Variants in NR2C2 observed in about 807,000 individuals in gnomAD.
The protein encoded by NR2C2 is nuclear receptor subfamily 2 group C member 2.
NR2C2 carries 6 observed loss-of-function variants against 62.9 expected under a neutral mutation model. The ratio of observed to expected loss-of-function variants is 0.10; its 90% CI spans 0.05 to 0.19. NR2C2 has a LOEUF of 0.19. NR2C2 is among the 10% of genes least tolerant of loss of function. NR2C2 has a pLI of 1.00. For missense variants in NR2C2, 479 were observed against 762.7 expected (o/e 0.63, Z 4.38); for synonymous variants, 272 against 273.8 (o/e 0.99, Z 0.07).
rs1265517507 is a variant in NR2C2 at position 15,045,222 on chromosome 3, A to G, written c.*2214A>G. On this transcript the variant is annotated 3_prime_UTR_variant, in exon 14 of 14. Transcript: ENST00000425241. ...GTCGTTTTGATCCTTGAGAGTGACC[A>G]TGAGGGCCATGTTGCAGTTCCCTGG... The G allele has an allele frequency of 1.3e-5, 2 of 152,140 alleles. No homozygotes were observed. The highest frequency in any genetic ancestry group is 2.1e-4 in the South Asian group (1 of 4,824). The allele number at this position is 152,140 out of a possible 1,614,324, so 9.4% of individuals were successfully genotyped here. A position where few individuals can be genotyped will look rare whatever the true frequency, so the allele number is the denominator to read the frequency against.
intron 1 of NR2C2, among the ~76,000 whole-genome samples, chr3:14,991,877 C>T (rs1306442558): frequency 6.6e-6 from 1 of 151,332 alleles, no homozygotes; most frequent in Non-Finnish European, 1.5e-5. Context: ...TCAAGTGCTC[C>T]TTCCGCCTCA....
rs1264475500 is a variant in NR2C2 at position 15,045,378 on chromosome 3, A to G, written c.*2370A>G. 1 of 152,670 alleles carries G rather than the reference A, an allele frequency of 6.6e-6. No homozygotes were observed. The highest frequency in any genetic ancestry group is 1.5e-5 in the Non-Finnish European group (1 of 68,070). The allele number at this position is 152,670 out of a possible 1,614,324, so 9.5% of individuals were successfully genotyped here. Reference sequence around the variant, plus strand: ...TGCTTAGACTCAGGCTGGATAAGGAAGTGTTGGGCTGTGGTGAAACAACCT... The same window carrying G: ...TGCTTAGACTCAGGCTGGATAAGGAGGTGTTGGGCTGTGGTGAAACAACCT... On this transcript the variant is annotated 3_prime_UTR_variant, in exon 14 of 14. Transcript: ENST00000425241.
In NR2C2 at chr3:14,976,187, T is replaced by C. The variant is rs77855894; in HGVS notation, c.-39-27689T>C. On this transcript the variant is annotated intron_variant, in intron 1 of 13. Coordinates refer to ENST00000425241, the MANE Select transcript of NR2C2 (RefSeq NM_001291694.2). ...GTGTGTAATTGTTCATAGTACTAGT[T>C]TATAATCTTTTCTTATTTCTGTTAA... is the stretch of plus-strand genomic sequence containing the variant. Among the ~76,000 whole-genome samples, 71 of 152,326 alleles carry C rather than the reference T, an allele frequency of 4.7e-4. 1 individual carries two copies. The East Asian group carries it at 0.013, about 27-fold the overall frequency.
chr3:14,961,381 T>G (rs2039682883), intron 1 of NR2C2, among the ~76,000 whole-genome samples: 1 of 152,220 alleles, frequency 6.6e-6, no homozygotes, highest in Non-Finnish European at 1.5e-5. Flanking sequence ...TAATCCACTT[T>G]GTGATTGAGG....
intron 1 of NR2C2, among the ~76,000 whole-genome samples, chr3:14,991,396 C>G (rs892923750): frequency 6.6e-6 from 1 of 152,206 alleles, no homozygotes; most frequent in Non-Finnish European, 1.5e-5. Flanking sequence ...CCCATTGGCC[C>G]TTCAACACAC....
Position 15,042,924 on chromosome 3 carries a change from T to C in NR2C2, c.1707T>C (p.Asn569=), listed in dbSNP as rs1350487925. The part of the protein sequence containing the change: ...EELFFTGLIG[N]VSIDSIIPYI... ...TTTTTTTTACTGGTCTCATTGGCAA[T>C]GTTTCGATAGACAGCATAATCCCCT... is the stretch of plus-strand genomic sequence containing the variant. Residue 569 remains asparagine (N), a synonymous_variant, in exon 14 of 14, where the codon AAT becomes AAC. Transcript: ENST00000425241. 1 of 1,614,220 alleles carries C rather than the reference T, an allele frequency of 6.2e-7. No homozygotes were observed. Among genetic ancestry groups the C allele is most frequent in the South Asian group, 1.1e-5 (1 of 91,080 alleles).
chr3:15,031,800 T>G (rs932898924), intron 9 of NR2C2, among the ~76,000 whole-genome samples: 1 of 151,594 alleles, frequency 6.6e-6, no homozygotes, highest in African/African-American at 2.4e-5. Context: ...ACAATCTTGG[T>G]TCACCACAAC....
At chr3:14,993,252 G>A (rs1002628223) in intron 1 of NR2C2, among the ~76,000 whole-genome samples, 2 of 152,022 alleles carry the variant, frequency 1.3e-5, no homozygotes, top group South Asian at 2.1e-4. Context: ...TCAGGAGTTC[G>A]ACACCAGCCT....
At chr3:15,012,649 C>T (rs2041388958) in intron 2 of NR2C2, among the ~76,000 whole-genome samples, 1 of 152,198 alleles carries the variant, frequency 6.6e-6, no homozygotes, top group African/African-American at 2.4e-5. Flanking sequence ...GCAGCAGCAG[C>T]TCAAGAGTCT....
intron 1 of NR2C2, among the ~76,000 whole-genome samples, chr3:14,967,836 T>G: frequency 6.6e-6 from 1 of 152,192 alleles, no homozygotes; most frequent in Non-Finnish European, 1.5e-5. Context: ...TAATGCCGCA[T>G]ATCTACAACT....
chr3:14,969,452 A>T (rs538769476), intron 1 of NR2C2, among the ~76,000 whole-genome samples: 1 of 152,246 alleles, frequency 6.6e-6, no homozygotes, highest in Admixed American at 6.5e-5. Context: ...TGTGTTGGCC[A>T]GGCTGGTCTC....
chr3:14,992,707 T>C (rs1418926759), intron 1 of NR2C2, among the ~76,000 whole-genome samples: 1 of 152,132 alleles, frequency 6.6e-6, no homozygotes, highest in African/African-American at 2.4e-5. Context: ...AATAAAACAT[T>C]TGTGTGTTCT....
chr3:15,017,685 T>A (rs946690451), intron 4 of NR2C2, among the ~76,000 whole-genome samples: 1 of 152,138 alleles, frequency 6.6e-6, no homozygotes, highest in Admixed American at 6.5e-5. Context: ...CAAGGAAATA[T>A]ACTGCAAAGA....
chr3:14,975,549 C>G (rs946675046), intron 1 of NR2C2, among the ~76,000 whole-genome samples: 1 of 152,156 alleles, frequency 6.6e-6, no homozygotes, highest in Non-Finnish European at 1.5e-5. Context: ...ACCACTCTTG[C>G]ATTTCTTGGA....
chr3:14,995,178 T>C (rs1172582936), intron 1 of NR2C2, among the ~76,000 whole-genome samples: 5 of 151,400 alleles, frequency 3.3e-5, no homozygotes, highest in Non-Finnish European at 1.5e-5. Flanking sequence ...TTTTTAATTT[T>C]TTAATAGAGA....
intron 10 of NR2C2, 80 bp from the exon 11 acceptor site, chr3:15,034,590 G>T: frequency 6.8e-7 from 1 of 1,466,136 alleles, no homozygotes. Context: ...GGGAAATGCT[G>T]GGACTTAGTG....
Position 15,039,105 on chromosome 3 carries a change from T to C in NR2C2, c.1511-17T>C, listed in dbSNP as rs777475783. 1.3e-6 allele frequency: 2 copies of C among 1,522,340 alleles called. No individual in the cohort carries two copies. Among genetic ancestry groups the C allele is most frequent in the Non-Finnish European group, 1.8e-6 (2 of 1,111,652 alleles). The allele number at this position is 1,522,340 out of a possible 1,614,324, so 94.3% of individuals were successfully genotyped here. A position where few individuals can be genotyped will look rare whatever the true frequency, so the allele number is the denominator to read the frequency against. On this transcript the variant is annotated splice_polypyrimidine_tract_variant and intron_variant, in intron 12 of 13. Transcript: ENST00000425241. ...AAATACAGAGGGAACTGGGGGGGGG[T>C]ACTTTTCTGTTTTCAGATCATCCAG... is the stretch of plus-strand genomic sequence containing the variant.
chr3:15,020,668 C>A, intron 4 of NR2C2, 85 bp from the exon 5 acceptor site: 2 of 1,494,622 alleles, frequency 1.3e-6, no homozygotes, highest in Non-Finnish European at 1.8e-6. Context: ...TTCAATGAGA[C>A]TTGCACAGGA....
chr3:14,961,141 G>A (rs1367234699), intron 1 of NR2C2, among the ~76,000 whole-genome samples: 2 of 152,174 alleles, frequency 1.3e-5, no homozygotes, highest in Non-Finnish European at 2.9e-5. Flanking sequence ...TTGAAGACAG[G>A]AGCCAGGTCT....
Sources: gnomAD v4.1 joint callset for allele counts (sites outside exome capture counted in the v4.1 genomes callset) on GRCh38, gnomAD v4.1.1 for gene constraint, MANE v1.5 for transcripts, NCBI Gene and HGNC (gene_info 2026-07-23, HGNC 2026-07-21) for gene names.